The following TOR3A variants were observed in gnomAD, a reference collection of about 807,000 sequenced individuals.
TOR3A encodes the protein torsin family 3 member A, also known as torsin-3A.
Under a neutral mutation model 42.1 loss-of-function variants are expected in TOR3A, and 44 were observed. The observed-to-expected ratio is 1.04, with a 90% CI of 0.82 to 1.34. TOR3A has a LOEUF of 1.34. Ranked by LOEUF, TOR3A falls within the 40% of genes most tolerant of loss-of-function variation. TOR3A has a pLI of 0.00. For synonymous variants in TOR3A, 227 were observed against 213.2 expected, an observed-to-expected ratio of 1.06 and a Z score of -0.57; for missense variants, 521 against 507.6, an observed-to-expected ratio of 1.03 and a Z score of -0.25.
At chr1:179,090,226 G>A (rs1166432695) in intron 4 of TOR3A, among the ~76,000 whole-genome samples, 3 of 152,222 alleles carry the variant, frequency 2.0e-5, no homozygotes, top group Non-Finnish European at 4.4e-5. Flanking sequence ...AAAAGATGTG[G>A]CCTTAGGTTC....
rs780221015 is a variant in TOR3A at position 179,095,838 on chromosome 1, A to C, written c.*620A>C. The C allele has an allele frequency of 3.1e-5, 31 of 986,398 alleles. No individual in the cohort carries two copies. In the Admixed American group the frequency reaches 5.5e-4, roughly 17 times the overall value. The allele number at this position is 986,398 out of a possible 1,614,324, so 61.1% of individuals were successfully genotyped here. Reference sequence around the variant, plus strand: ...AGCCTGAGGCTGAAGGGAAAAGTACACAGAGGAAGATATTTTACAAACCAG... The same window carrying C: ...AGCCTGAGGCTGAAGGGAAAAGTACCCAGAGGAAGATATTTTACAAACCAG... On this transcript the variant is annotated 3_prime_UTR_variant, in exon 6 of 6. Transcript: ENST00000367627.
chr1:179,094,285 A>G lies in TOR3A; in HGVS notation c.943+68A>G, dbSNP rs539406164. 96 of 1,544,550 alleles carry G rather than the reference A, an allele frequency of 6.2e-5. No homozygotes were observed. In the East Asian group the frequency reaches 2.0e-3, roughly 32 times the overall value. On this transcript the variant is annotated intron_variant, in intron 5 of 5. Coordinates refer to ENST00000367627, the MANE Select transcript of TOR3A (RefSeq NM_022371.4). The stretch of plus-strand genomic sequence containing the variant: ...GGTGATAATTAATGTGTTTGTTGGA[A>G]TGTGTGTTTATGAAGCAGACAGGGT...
chr1:179,089,459 C>T (rs1024443618), intron 4 of TOR3A, among the ~76,000 whole-genome samples: 3 of 151,802 alleles, frequency 2.0e-5, no homozygotes, highest in African/African-American at 4.8e-5. Context: ...GGGAGTGGGG[C>T]GCCCAGGGTG....
chr1:179,094,355 A>T (rs1039691110), intron 5 of TOR3A, 138 bp downstream of exon 5: 8 of 1,139,580 alleles, frequency 7.0e-6, no homozygotes, highest in African/African-American at 1.6e-5. Context: ...CACATTGTCA[A>T]CCCTGGGTGG....
chr1:179,086,275 T>C lies in TOR3A; in HGVS notation c.639+382T>C, dbSNP rs758415408. On this transcript the variant is annotated intron_variant, in intron 3 of 5. Transcript: ENST00000367627. ...CCTTGTCAGCTAAGGAGAGGTAGCA[T>C]TTTATGTGCTGCCTTTGGTGCGGAA... 2.2e-4 allele frequency among the ~76,000 whole-genome samples: 33 copies of C among 152,208 alleles called. 1 individual carries two copies. The highest frequency in any genetic ancestry group is 8.8e-5 in the Non-Finnish European group (6 of 68,038).
chr1:179,095,792 G>A lies in TOR3A; in HGVS notation c.*574G>A. The A allele has an allele frequency of 6.1e-6, 6 of 988,330 alleles. No homozygotes were observed. Among genetic ancestry groups the A allele is most frequent in the Non-Finnish European group, 6.0e-6 (5 of 831,972 alleles). The allele number at this position is 988,330 out of a possible 1,614,324, so 61.2% of individuals were successfully genotyped here. A position where few individuals can be genotyped will look rare whatever the true frequency, so the allele number is the denominator to read the frequency against. ...TCCAGAGGAAAGCCAAGCTGCTTCT[G>A]TTGTGAGCGAATCAGCCAAGAGCCT... is the stretch of plus-strand genomic sequence containing the variant. On this transcript the variant is annotated 3_prime_UTR_variant, in exon 6 of 6. Coordinates refer to ENST00000367627, the MANE Select transcript of TOR3A (RefSeq NM_022371.4).
Position 179,082,981 on chromosome 1 carries a change from C to T in TOR3A, c.301C>T (p.Leu101=). The part of the protein sequence containing the change: ...PLLGQRYLDL[L]TTWYCSFKDC... ...GTTGGGCCAGCGGTACCTGGACCTC[C>T]TGACCACGTGGTACTGCAGCTTCAA... is the stretch of plus-strand genomic sequence containing the variant. The change falls in exon 2 of 6, where the codon CTG becomes TTG. Residue 101 remains leucine (L), a synonymous_variant. Transcript: ENST00000367627. The T allele has an allele frequency of 6.3e-7, 1 of 1,590,986 alleles. No individual in the cohort carries two copies. Among genetic ancestry groups the T allele is most frequent in the South Asian group, 1.1e-5 (1 of 87,172 alleles).
In TOR3A at chr1:179,082,132, C is replaced by T. The variant is rs773230841; in HGVS notation, c.4C>T (p.Leu2Phe). Residue 2 changes from leucine to phenylalanine, a missense_variant, in exon 1 of 6, where the codon CTT (leucine) becomes TTT (phenylalanine). Physicochemically the swap from Leu to Phe is conservative, Grantham distance 22. Transcript: ENST00000367627. The part of the protein sequence containing the change: M[L>F]RGPWRQLWLF... ...GTCCCGCAGCTCGGGGCCGGCCATGCTTCGCGGTCCGTGGCGCCAGCTTTG... is the reference window on the plus strand; with the variant it reads ...GTCCCGCAGCTCGGGGCCGGCCATGTTTCGCGGTCCGTGGCGCCAGCTTTG... The T allele has an allele frequency of 3.0e-5, 45 of 1,497,682 alleles. No homozygotes were observed. The highest frequency in any genetic ancestry group is 6.4e-5 in the Admixed American group (3 of 46,662). The allele number at this position is 1,497,682 out of a possible 1,614,324, so 92.8% of individuals were successfully genotyped here.
chr1:179,095,959 T>TA lies in TOR3A; in HGVS notation c.*744dup. 10 of 985,370 alleles carry TA rather than the reference T, an allele frequency of 1.0e-5. No homozygotes were observed. The highest frequency in any genetic ancestry group is 1.2e-5 in the Non-Finnish European group (10 of 829,898). 61.0% of individuals were successfully genotyped at this position (985,370 alleles called of 1,614,324 possible). On this transcript the variant is annotated 3_prime_UTR_variant, in exon 6 of 6. Coordinates refer to ENST00000367627, the MANE Select transcript of TOR3A (RefSeq NM_022371.4). ...GGGGTCTTGACATGTTTGTTGTATGTAAAGATGATAAGATTAAAATTTTTG... is the reference window on the plus strand; with the variant it reads ...GGGGTCTTGACATGTTTGTTGTATGTAAAAGATGATAAGATTAAAATTTTTG...
rs1553209820 is a variant in TOR3A, at chr1:179,088,124, G to C, written c.818+35G>C. ...GGGGAACAATAGTCAGGAGGGCTGGGGGAGGGGAAGATACTAGCTGGCAGT... is the reference window on the plus strand; with the variant it reads ...GGGGAACAATAGTCAGGAGGGCTGGCGGAGGGGAAGATACTAGCTGGCAGT... On this transcript the variant is annotated intron_variant, in intron 4 of 5. Transcript: ENST00000367627. The C allele has an allele frequency of 2.6e-6, 4 of 1,520,066 alleles. No homozygotes were observed. In the South Asian group the frequency reaches 5.2e-5, roughly 20 times the overall value. 94.2% of individuals were successfully genotyped at this position (1,520,066 alleles called of 1,614,324 possible).
intron 3 of TOR3A, among the ~76,000 whole-genome samples, chr1:179,087,677 C>CA (rs1170636881): frequency 6.6e-6 from 1 of 152,058 alleles, no homozygotes; most frequent in African/African-American, 2.4e-5. Flanking sequence ...AAGCTGGCTT[C>CA]ACCTTGTTTA....
chr1:179,087,586 A>AGAGCAGGGCTG (rs898623268), intron 3 of TOR3A, among the ~76,000 whole-genome samples: 1 of 152,152 alleles, frequency 6.6e-6, no homozygotes, highest in African/African-American at 2.4e-5. Flanking sequence ...TGGAGAGGAG[A>AGAGCAGGGCTG]GAGCAGGGCT....
In TOR3A at chr1:179,083,011, T is replaced by G; in HGVS notation, c.331T>G (p.Cys111Gly). 6.3e-7 allele frequency: 1 copy of G among 1,586,538 alleles called. No homozygotes were observed. Among genetic ancestry groups the G allele is most frequent in the Non-Finnish European group, 8.6e-7 (1 of 1,167,072 alleles). The change falls in exon 2 of 6, where the codon TGC becomes GGC. Residue 111 changes from cysteine (C) to glycine (G), a missense_variant. By Grantham distance (159) the Cys-to-Gly change is radical (BLOSUM62 -3). Transcript: ENST00000367627. ...CACGTGGTACTGCAGCTTCAAAGACTGCTGCCCTAGAGGGGATTGCAGAAT... is the reference window on the plus strand; with the variant it reads ...CACGTGGTACTGCAGCTTCAAAGACGGCTGCCCTAGAGGGGATTGCAGAAT... ...LTTWYCSFKD[C>G]CPRGDCRISN... is the part of the protein sequence containing the mutation.
Position 179,087,999 on chromosome 1 carries a change from G to A in TOR3A, c.728G>A (p.Gly243Glu), listed in dbSNP as rs889910223. Residue 243 changes from glycine to glutamate, a missense_variant, in exon 4 of 6, where the codon GGG becomes GAG. Coordinates refer to ENST00000367627, the MANE Select transcript of TOR3A (RefSeq NM_022371.4). ...IFDEAEKLHP[G>E]LLEVLGPHLE... ...GATGAAGCGGAGAAGCTGCACCCAG[G>A]GCTGCTGGAGGTCCTTGGGCCACAC... 2.5e-6 allele frequency: 4 copies of A among 1,613,712 alleles called. No homozygotes were observed. Among genetic ancestry groups the A allele is most frequent in the Non-Finnish European group, 3.4e-6 (4 of 1,179,798 alleles).
intron 3 of TOR3A, 67 bp from the exon 4 acceptor site, chr1:179,087,844 C>G: frequency 6.8e-7 from 1 of 1,466,660 alleles, no homozygotes; most frequent in Non-Finnish European, 9.1e-7. Context: ...CCAGGGGAAA[C>G]CACGCCCTCA....
At chr1:179,086,868 C>T (rs1035093750) in intron 3 of TOR3A, among the ~76,000 whole-genome samples, 1 of 152,160 alleles carries the variant, frequency 6.6e-6, no homozygotes, top group African/African-American at 2.4e-5. Flanking sequence ...CTGCACCTGT[C>T]TTTGGCTTTG....
chr1:179,092,132 T>C (rs1342223534), intron 4 of TOR3A, among the ~76,000 whole-genome samples: 1 of 152,190 alleles, frequency 6.6e-6, no homozygotes, highest in East Asian at 1.9e-4. Context: ...TGTCCGGGCT[T>C]AACCTGCGTG....
intron 3 of TOR3A, 31 bp downstream of exon 3, chr1:179,085,924 CTG>C: frequency 6.2e-7 from 1 of 1,604,310 alleles, no homozygotes; most frequent in Non-Finnish European, 8.5e-7. Flanking sequence ...GGTGAGGCCT[CTG>C]TGCTGGGAGG....
rs1435502726 is a variant in TOR3A at position 179,082,347 on chromosome 1, CGACTGTGACGAG to C, written c.223_234del (p.Cys75_Asp78del). 1.1e-5 allele frequency: 18 copies of C among 1,605,646 alleles called. No homozygotes were observed. The African/African-American group carries it at 2.4e-4, about 22-fold the overall frequency. On this transcript the variant is annotated inframe_deletion, in exon 1 of 6. Transcript: ENST00000367627. ...TCTTCAGCTGCCAGGTGTGGCCCGA[CGACTGTGACGAG>C]GACGAGGAGGCAGCCACGGGGCCCC...
Sources: gnomAD v4.1 joint callset for allele counts (sites outside exome capture counted in the v4.1 genomes callset) on GRCh38, gnomAD v4.1.1 for gene constraint, MANE v1.5 for transcripts, NCBI Gene and HGNC (gene_info 2026-07-23, HGNC 2026-07-21) for gene names.